COX10: variants seen among roughly 807,000 people sequenced by gnomAD.
COX10 encodes the protein cytochrome c oxidase assembly factor heme A:farnesyltransferase COX10.
Under a neutral mutation model 37.3 loss-of-function variants are expected in COX10, and 27 were observed. The ratio of observed to expected loss-of-function variants is 0.72; its 90% CI spans 0.53 to 1.00. The LOEUF is 1.00. Among genes scored for constraint, COX10 ranks in the 50% least tolerant of loss-of-function variants. The pLI, the probability that COX10 is intolerant of heterozygous loss-of-function variation, is 0.00. For synonymous variants in COX10, 222 were observed against 229.1 expected (o/e 0.97, Z 0.28); for missense variants, 475 against 563.2 (o/e 0.84, Z 1.59).
At chr17:14,101,147 A>C (rs1232167086) in intron 3 of COX10, among the ~76,000 whole-genome samples, 3 of 152,170 alleles carry the variant, frequency 2.0e-5, no homozygotes, top group Admixed American at 2.0e-4. Flanking sequence ...GGATATAGCG[A>C]GTGACAAAGG....
intron 5 of COX10, among the ~76,000 whole-genome samples, chr17:14,172,424 C>T (rs1417932660): frequency 4.6e-5 from 7 of 152,120 alleles, no homozygotes; most frequent in Admixed American, 1.3e-4. Flanking sequence ...TCAACATCTT[C>T]GTTTTTTGTC....
intron 4 of COX10, among the ~76,000 whole-genome samples, chr17:14,150,493 C>T (rs966200073): frequency 1.3e-5 from 2 of 152,068 alleles, no homozygotes; most frequent in Non-Finnish European, 2.9e-5. Context: ...GGAGTCAAAC[C>T]GTTGTAGGTT....
At chr17:14,187,771 G>C (rs1459912851) in intron 5 of COX10, among the ~76,000 whole-genome samples, 2 of 152,226 alleles carry the variant, frequency 1.3e-5, no homozygotes, top group African/African-American at 4.8e-5. Context: ...AGGGCTCCTC[G>C]TGCCAGAAGG....
At position 14,131,023 on chromosome 17, in the gene COX10, C is replaced by T. The variant is rs1406691468; in HGVS notation, c.624+28781C>T. Among the ~76,000 whole-genome samples, 10 of 152,264 alleles carry T rather than the reference C, an allele frequency of 6.6e-5. 1 individual carries two copies. The South Asian group carries it at 1.2e-3, about 19-fold the overall frequency. The stretch of plus-strand genomic sequence containing the variant: ...GCACCTAGTTCACCACTATTCCTAG[C>T]AGCATGTCATAGTGGCTTAGTAAAA... On this transcript the variant is annotated intron_variant, in intron 4 of 6. Coordinates refer to ENST00000261643, the MANE Select transcript of COX10 (RefSeq NM_001303.4).
intron 6 of COX10, among the ~76,000 whole-genome samples, chr17:14,199,714 G>A (rs752881212): frequency 9.2e-5 from 14 of 152,038 alleles, no homozygotes; most frequent in Admixed American, 3.3e-4. Context: ...CCCTTTTGTC[G>A]CCTGTGCAGT....
chr17:14,207,298 C>A lies in COX10; in HGVS notation c.*85C>A. ...TTCTGGAACACAAGAAGAGAAATTG[C>A]TGGGTTTAGAACAAGATTATAAACG... is the stretch of plus-strand genomic sequence containing the variant. On this transcript the variant is annotated 3_prime_UTR_variant, in exon 7 of 7. Transcript: ENST00000261643. 1 of 1,441,588 alleles carries A rather than the reference C, an allele frequency of 6.9e-7. No homozygotes were observed. The highest frequency in any genetic ancestry group is 2.6e-5 in the Admixed American group (1 of 38,696). The allele number at this position is 1,441,588 out of a possible 1,614,324, so 89.3% of individuals were successfully genotyped here.
At chr17:14,159,577 G>C in intron 4 of COX10, among the ~76,000 whole-genome samples, 1 of 152,122 alleles carries the variant, frequency 6.6e-6, no homozygotes, top group Non-Finnish European at 1.5e-5. Context: ...CACATGGGGG[G>C]TCCTAGAGCC....
At chr17:14,099,185 C>T (rs190428176) in intron 3 of COX10, among the ~76,000 whole-genome samples, 1 of 152,162 alleles carries the variant, frequency 6.6e-6, no homozygotes, top group East Asian at 1.9e-4. Flanking sequence ...GGTAAATCTT[C>T]CCCCAGGAGA....
chr17:14,114,163 C>T (rs1326582384), intron 4 of COX10, among the ~76,000 whole-genome samples: 2 of 152,018 alleles, frequency 1.3e-5, no homozygotes. Flanking sequence ...CATCCTTTCC[C>T]TCAGTTATCC....
chr17:14,189,506 G>T (rs937065325), intron 5 of COX10, among the ~76,000 whole-genome samples: 2 of 152,170 alleles, frequency 1.3e-5, no homozygotes, highest in Non-Finnish European at 2.9e-5. Context: ...CCAAGTGTTA[G>T]CATAAATTTG....
intron 4 of COX10, among the ~76,000 whole-genome samples, chr17:14,156,093 C>G (rs1327545767): frequency 6.6e-6 from 1 of 152,204 alleles, no homozygotes; most frequent in Non-Finnish European, 1.5e-5. Flanking sequence ...TAAGTACATT[C>G]TGTGTGCCAG....
chr17:14,159,437 G>A (rs1052742231), intron 4 of COX10, among the ~76,000 whole-genome samples: 2 of 152,184 alleles, frequency 1.3e-5, no homozygotes, highest in African/African-American at 2.4e-5. Context: ...CCACTTATAC[G>A]TGGATTTATT....
At chr17:14,167,269 T>C (rs1905317739) in intron 5 of COX10, among the ~76,000 whole-genome samples, 1 of 152,230 alleles carries the variant, frequency 6.6e-6, no homozygotes, top group South Asian at 2.1e-4. Context: ...GAATTGCTTC[T>C]TATGGATGAG....
chr17:14,164,209 G>A (rs2142242470), intron 5 of COX10, among the ~76,000 whole-genome samples: 1 of 152,300 alleles, frequency 6.6e-6, no homozygotes, highest in East Asian at 1.9e-4. Context: ...TTGTGAAAAG[G>A]CTTAGGTTGT....
intron 3 of COX10, among the ~76,000 whole-genome samples, chr17:14,094,894 C>T (rs985910562): frequency 6.6e-6 from 1 of 152,136 alleles, no homozygotes; most frequent in Non-Finnish European, 1.5e-5. Flanking sequence ...GCCCTTGGCA[C>T]GGACAGGAGC....
At chr17:14,187,783 G>A (rs1294568172) in intron 5 of COX10, among the ~76,000 whole-genome samples, 3 of 152,224 alleles carry the variant, frequency 2.0e-5, no homozygotes, top group East Asian at 3.9e-4. Context: ...GCCAGAAGGG[G>A]AAGGATTCCT....
At chr17:14,099,422 A>G (rs1466070995) in intron 3 of COX10, among the ~76,000 whole-genome samples, 1 of 152,096 alleles carries the variant, frequency 6.6e-6, no homozygotes, top group African/African-American at 2.4e-5. Flanking sequence ...ATAAAGGATT[A>G]TTGTAAGTTG....
intron 4 of COX10, among the ~76,000 whole-genome samples, chr17:14,103,810 A>G (rs1199840270): frequency 6.6e-6 from 1 of 152,174 alleles, no homozygotes; most frequent in Non-Finnish European, 1.5e-5. Context: ...TTTTAAAAGG[A>G]TGTGTTTAGG....
intron 4 of COX10, among the ~76,000 whole-genome samples, chr17:14,105,520 T>C (rs1915870936): frequency 6.6e-6 from 1 of 152,248 alleles, no homozygotes; most frequent in South Asian, 2.1e-4. Context: ...ACATAAATTA[T>C]TCTTTAAGGC....
Sources: allele counts gnomAD v4.1 joint callset (sites outside exome capture counted in the v4.1 genomes callset), GRCh38; gene constraint gnomAD v4.1.1; transcripts MANE v1.5; gene names NCBI Gene and HGNC (gene_info 2026-07-23, HGNC 2026-07-21).